The following ACSF3 variants were observed in gnomAD, a reference collection of about 807,000 sequenced individuals.
ACSF3 encodes the protein malonate--CoA ligase ACSF3, mitochondrial.
Under a neutral mutation model 53.2 loss-of-function variants are expected in ACSF3, and 78 were observed. The ratio of observed to expected loss-of-function variants is 1.47; its 90% confidence interval spans 1.22 to 1.77. ACSF3 has a LOEUF of 1.77. Among genes scored for constraint, ACSF3 ranks in the 40% most tolerant of loss-of-function variants. The pLI is 0.00. For missense variants in ACSF3, 937 were observed against 771.1 expected, an observed-to-expected ratio of 1.22 and a Z score of -2.55; for synonymous variants, 414 against 333.1, an observed-to-expected ratio of 1.24 and a Z score of -2.65.
At chr16:89,107,876 T>C (rs186768254) in intron 4 of ACSF3, among the ~76,000 whole-genome samples, 3 of 152,224 alleles carry the variant, frequency 2.0e-5, no homozygotes, top group Admixed American at 6.5e-5. Flanking sequence ...CTGGTACCAA[T>C]TTACTGTATT....
intron 8 of ACSF3, among the ~76,000 whole-genome samples, chr16:89,137,721 G>C (rs867776904): frequency 6.6e-6 from 1 of 152,094 alleles, no homozygotes; most frequent in Middle Eastern, 3.2e-3. Flanking sequence ...AGAGGGGAGT[G>C]GGGGGCTGGA....
chr16:89,106,796 G>T (rs910225143), intron 4 of ACSF3, among the ~76,000 whole-genome samples: 1 of 152,204 alleles, frequency 6.6e-6, no homozygotes, highest in Non-Finnish European at 1.5e-5. Context: ...AGACACCTGC[G>T]GTGGTGCTGA....
At chr16:89,138,487 G>T (rs1029054260) in intron 8 of ACSF3, among the ~76,000 whole-genome samples, 5 of 152,226 alleles carry the variant, frequency 3.3e-5, no homozygotes, top group Non-Finnish European at 7.3e-5. Flanking sequence ...CAAGGGTGCC[G>T]ACCAAGGTCA....
chr16:89,136,718 C>T lies in ACSF3; in HGVS notation c.1366+3456C>T, dbSNP rs1406117437. On this transcript the variant is annotated intron_variant, in intron 8 of 10. Transcript: ENST00000614302. Reference sequence around the variant, plus strand: ...GCTTTGATGCCAGCCGCTCCTGCCTCCCCCACCTGCCTCTGTGCCTACAGC... The same window carrying T: ...GCTTTGATGCCAGCCGCTCCTGCCTTCCCCACCTGCCTCTGTGCCTACAGC... The T allele has an allele frequency of 3.9e-6, 5 of 1,287,276 alleles. No individual in the cohort carries two copies. In the South Asian group the frequency reaches 4.9e-5, roughly 13 times the overall value. 79.7% of individuals were successfully genotyped at this position (1,287,276 alleles called of 1,614,324 possible).
intron 6 of ACSF3, among the ~76,000 whole-genome samples, chr16:89,119,666 A>G (rs547984462): frequency 6.6e-6 from 1 of 152,274 alleles, no homozygotes; most frequent in Non-Finnish European, 1.5e-5. Context: ...ACCAGAGTGG[A>G]GGTTCGGGGC....
Position 89,146,046 on chromosome 16 carries a change from C to G in ACSF3, c.1610C>G (p.Ala537Gly). 1.9e-6 allele frequency: 3 copies of G among 1,600,692 alleles called. No homozygotes were observed. The highest frequency in any genetic ancestry group is 2.6e-6 in the Non-Finnish European group (3 of 1,168,736). The change falls in exon 10 of 11, where the codon GCC (alanine) becomes GGC (glycine). Residue 537 changes from alanine to glycine, a missense_variant. Ala to Gly is a moderately conservative substitution (Grantham distance 60). Transcript: ENST00000614302. ...TCCCACAGGGAGCTCAAAGAGTGGG[C>G]CAGGTAGGGCTGGGTGGGGCGGGCA... ...SLSHRELKEW[A>G]RNVLAPYAVP...
intron 4 of ACSF3, among the ~76,000 whole-genome samples, chr16:89,103,159 G>A (rs1975570586): frequency 6.6e-6 from 1 of 152,274 alleles, no homozygotes; most frequent in African/African-American, 2.4e-5. Context: ...TTGTGAGACT[G>A]CAGTGGGCCA....
intron 8 of ACSF3, among the ~76,000 whole-genome samples, chr16:89,143,553 T>C (rs1028649572): frequency 6.6e-6 from 1 of 152,084 alleles, no homozygotes; most frequent in African/African-American, 2.4e-5. Context: ...TATTGGAAGA[T>C]TGGTGGCTGT....
At chr16:89,121,338 G>T (rs1906595795) in intron 7 of ACSF3, among the ~76,000 whole-genome samples, 1 of 152,214 alleles carries the variant, frequency 6.6e-6, no homozygotes. Context: ...CTGAGGGGAC[G>T]CTGACCACAG....
intron 10 of ACSF3, among the ~76,000 whole-genome samples, chr16:89,146,403 G>T (rs1380701194): frequency 6.6e-6 from 1 of 152,152 alleles, no homozygotes; most frequent in Non-Finnish European, 1.5e-5. Context: ...GAGATCCAGG[G>T]TTGACACCAG....
At chr16:89,094,019 G>C (rs754262452) in intron 1 of ACSF3, 23 bp downstream of exon 1, 2 of 158,522 alleles carry the variant, frequency 1.3e-5, no homozygotes, top group African/African-American at 4.8e-5. Flanking sequence ...GGGCCCACGG[G>C]ACCGCGGCGG....
chr16:89,121,642 C>G (rs925694742), intron 7 of ACSF3, among the ~76,000 whole-genome samples: 23 of 152,220 alleles, frequency 1.5e-4, no homozygotes, highest in African/African-American at 5.3e-4. Context: ...ACATGATTGA[C>G]TGTGTTGCCC....
chr16:89,141,263 G>T, intron 8 of ACSF3: 3 of 1,287,280 alleles, frequency 2.3e-6, no homozygotes, highest in Non-Finnish European at 3.0e-6. Context: ...CTTGGCAAAG[G>T]CACAGCAAGG....
At chr16:89,149,210 T>C (rs1292118026) in intron 10 of ACSF3, 1 of 152,208 alleles carries the variant, frequency 6.6e-6, no homozygotes, top group Non-Finnish European at 1.5e-5. Context: ...AACAAGTCTT[T>C]AGGAAGTTCC....
At chr16:89,141,274 C>T (rs941269010) in intron 8 of ACSF3, 9 of 1,287,096 alleles carry the variant, frequency 7.0e-6, no homozygotes, top group South Asian at 3.7e-5. Context: ...CACAGCAAGG[C>T]GGGTGAGGCG....
chr16:89,114,192 T>G, intron 5 of ACSF3, 147 bp from the exon 6 acceptor site: 1 of 1,053,314 alleles, frequency 9.5e-7, no homozygotes, highest in Non-Finnish European at 1.4e-6. Flanking sequence ...ACAGTGGTGC[T>G]GTACCCACGG....
chr16:89,107,064 C>T (rs150412896), intron 4 of ACSF3, among the ~76,000 whole-genome samples: 5 of 152,370 alleles, frequency 3.3e-5, no homozygotes, highest in African/African-American at 9.6e-5. Flanking sequence ...CTGGCAGGGT[C>T]TGTGCTGTGG....
chr16:89,121,947 C>G (rs1229745673), intron 7 of ACSF3, among the ~76,000 whole-genome samples: 4 of 152,170 alleles, frequency 2.6e-5, no homozygotes, highest in Non-Finnish European at 5.9e-5. Flanking sequence ...GTGGCCGCAC[C>G]TTGTGTGGAG....
chr16:89,101,239 G>C lies in ACSF3; in HGVS notation c.558G>C (p.Pro186=), dbSNP rs756599875. ...CAGTAGAGGAACCGGCAGAGGTCCC[G>C]GTCCCAGAGCAGGGATGGAGGAACA... ...TGAVEEPAEV[P]VPEQGWRNKG... Residue 186 remains proline (P), a synonymous_variant, in exon 3 of 11, where the codon CCG becomes CCC. Coordinates refer to ENST00000614302, the MANE Select transcript of ACSF3 (RefSeq NM_001243279.3). The C allele has an allele frequency of 1.9e-6, 3 of 1,600,450 alleles. No individual in the cohort carries two copies. The highest frequency in any genetic ancestry group is 2.2e-5 in the South Asian group (2 of 89,748).
Sources: allele counts gnomAD v4.1 joint callset (sites outside exome capture counted in the v4.1 genomes callset), GRCh38; gene constraint gnomAD v4.1.1; transcripts MANE v1.5; gene names NCBI Gene and HGNC (gene_info 2026-07-23, HGNC 2026-07-21).